The following RFC1 variants were observed in gnomAD, a reference collection of about 807,000 sequenced individuals.
The protein encoded by RFC1 is A1 140 kDa subunit.
A neutral mutation model predicts 137.4 loss-of-function variants in RFC1; 37 were observed. That is an observed-to-expected ratio of 0.27 (90% CI 0.21 to 0.35). The LOEUF (loss-of-function observed/expected upper bound fraction) is 0.35, where lower values mean the gene tolerates loss of function less well. Ranked by LOEUF, RFC1 falls within the 10% of genes least tolerant of loss-of-function variation. The probability of loss-of-function intolerance (pLI) is 1.00; values close to 1 mark genes in which losing one functional copy is unlikely to be tolerated. For missense variants in RFC1, 1,205 were observed against 1,358.5 expected (o/e 0.89, Z 1.78); for synonymous variants, 429 against 455.7 (o/e 0.94, Z 0.75).
intron 4 of RFC1, among the ~76,000 whole-genome samples, chr4:39,332,236 A>G (rs1244902523): frequency 6.6e-6 from 1 of 152,172 alleles, no homozygotes; most frequent in Non-Finnish European, 1.5e-5. Context: ...ATGTTTTACA[A>G]CAAATTGAAT....
At chr4:39,327,175 A>C (rs1739815850) in intron 5 of RFC1, among the ~76,000 whole-genome samples, 1 of 152,206 alleles carries the variant, frequency 6.6e-6, no homozygotes, top group African/African-American at 2.4e-5. Context: ...TTTATAAGGA[A>C]TCTATTTATT....
intron 9 of RFC1, among the ~76,000 whole-genome samples, chr4:39,318,692 T>A (rs920060507): frequency 6.6e-6 from 1 of 152,230 alleles, no homozygotes; most frequent in Admixed American, 6.5e-5. Context: ...TTAGTGTGCC[T>A]GAAGAAAACC....
At chr4:39,334,921 T>G (rs1740280602) in intron 4 of RFC1, among the ~76,000 whole-genome samples, 1 of 152,218 alleles carries the variant, frequency 6.6e-6, no homozygotes, top group Non-Finnish European at 1.5e-5. Context: ...TACATTCATT[T>G]ATTTAGAAGA....
In RFC1 at chr4:39,345,311, G is replaced by A. The variant is rs114455950; in HGVS notation, c.208+90C>T. The A allele has an allele frequency of 4.2e-4, 466 of 1,103,632 alleles. 2 individuals carry two copies. In the African/African-American group the frequency reaches 6.4e-3, roughly 15 times the overall value. The allele number at this position is 1,103,632 out of a possible 1,614,324, so 68.4% of individuals were successfully genotyped here. ...ATTGCGATTACAGGCATGAGCCACC[G>A]CACCCATCCTTAGAACATAGTTTAA... is the stretch of plus-strand genomic sequence containing the variant. On this transcript the variant is annotated intron_variant, in intron 3 of 24. Coordinates refer to ENST00000349703, the MANE Select transcript of RFC1 (RefSeq NM_002913.5).
At position 39,302,317 on chromosome 4, in the gene RFC1, G is replaced by T; in HGVS notation, c.2496C>A (p.Ala832=). The stretch of plus-strand genomic sequence containing the variant: ...TTTTGGCTCTGTGAGAATCAGCTTT[G>T]GCCTGGTCATAGGTTAATGCTTTAC... The part of the protein sequence containing the change: ...ARSKALTYDQ[A]KADSHRAKKD... Residue 832 remains alanine (A), a synonymous_variant, in exon 19 of 25, where the codon GCC becomes GCA. Transcript: ENST00000349703. The T allele has an allele frequency of 1.9e-6, 3 of 1,612,886 alleles. No individual in the cohort carries two copies. Among genetic ancestry groups the T allele is most frequent in the Non-Finnish European group, 1.7e-6 (2 of 1,178,958 alleles).
chr4:39,345,317 A>C, intron 3 of RFC1, 84 bp downstream of exon 3: 1 of 1,199,408 alleles, frequency 8.3e-7, no homozygotes, highest in Non-Finnish European at 1.2e-6. Context: ...CACCGCACCC[A>C]TCCTTAGAAC....
At position 39,295,723 on chromosome 4, in the gene RFC1, T is replaced by G; in HGVS notation, c.2845A>C (p.Arg949=). ...YASVLPGELM[R]GYMTQFPTFP... Reference sequence around the variant, plus strand: ...GTGGGAAACTGGGTCATGTACCCCCTCATCAACTCTCCAGGAAGAACACTG... The same window carrying G: ...GTGGGAAACTGGGTCATGTACCCCCGCATCAACTCTCCAGGAAGAACACTG... The change falls in exon 22 of 25, where the codon AGG becomes CGG. Residue 949 remains arginine (R), a synonymous_variant. Coordinates refer to ENST00000349703, the MANE Select transcript of RFC1 (RefSeq NM_002913.5). 3 of 1,613,012 alleles carry G rather than the reference T, an allele frequency of 1.9e-6. No individual in the cohort carries two copies. The highest frequency in any genetic ancestry group is 1.1e-5 in the South Asian group (1 of 90,798).
chr4:39,312,688 C>A (rs546321104), intron 11 of RFC1, 64 bp downstream of exon 11: 2 of 1,385,126 alleles, frequency 1.4e-6, no homozygotes, highest in African/African-American at 2.9e-5. Context: ...AAGGGCAAAT[C>A]ACATCAAGAG....
At chr4:39,357,174 C>T (rs898660518) in intron 1 of RFC1, among the ~76,000 whole-genome samples, 10 of 152,138 alleles carry the variant, frequency 6.6e-5, no homozygotes, top group Non-Finnish European at 1.5e-5. Context: ...AGAAATAAAG[C>T]ACACTGAGGG....
intron 24 of RFC1, 124 bp from the exon 25 acceptor site, chr4:39,288,968 C>T: frequency 1.4e-6 from 1 of 695,492 alleles, no homozygotes; most frequent in Non-Finnish European, 2.4e-6. Flanking sequence ...AGGCTGCAAA[C>T]ATCGAGATCT....
Position 39,289,940 on chromosome 4 carries a change from G to C in RFC1, c.3268C>G (p.Leu1090Val). ...KASRHSTSPS[L>V]DSEYNEELNE... ...AATTCTTCATTGTATTCCGAATCCA[G>C]GGATGGGCTTGTGCTGTGTCTAGAT... is the stretch of plus-strand genomic sequence containing the variant. The change falls in exon 24 of 25, where the codon CTG becomes GTG. Residue 1090 changes from leucine to valine, a missense_variant. Around this residue, in one of 3 missense-constraint regions of RFC1, gnomAD observed 237 missense variants for 304.2 expected, o/e 0.78. Coordinates refer to ENST00000349703, the MANE Select transcript of RFC1 (RefSeq NM_002913.5). 2 of 1,613,060 alleles carry C rather than the reference G, an allele frequency of 1.2e-6. No individual in the cohort carries two copies. Among genetic ancestry groups the C allele is most frequent in the South Asian group, 2.2e-5 (2 of 91,060 alleles).
At chr4:39,336,015 T>A (rs1451388533) in intron 4 of RFC1, among the ~76,000 whole-genome samples, 1 of 152,208 alleles carries the variant, frequency 6.6e-6, no homozygotes, top group African/African-American at 2.4e-5. Flanking sequence ...AACAGTCTGT[T>A]CATTTTCAAA....
At chr4:39,341,249 T>C (rs1740591280) in intron 4 of RFC1, among the ~76,000 whole-genome samples, 1 of 152,184 alleles carries the variant, frequency 6.6e-6, no homozygotes, top group Non-Finnish European at 1.5e-5. Flanking sequence ...CACCTTCAGT[T>C]ACATAATAAA....
At chr4:39,295,403 T>G (rs1334196414) in intron 22 of RFC1, among the ~76,000 whole-genome samples, 1 of 152,220 alleles carries the variant, frequency 6.6e-6, no homozygotes, top group East Asian at 1.9e-4. Context: ...TTGTCCAAAG[T>G]ATCCTTTTAA....
chr4:39,321,612 T>C (rs2060803), intron 7 of RFC1: 380,085 of 384,412 alleles, frequency 0.99, 188,047 homozygotes, highest in East Asian at 1. Flanking sequence ...AAAAATTATC[T>C]CTCTTCATCC....
intron 3 of RFC1, among the ~76,000 whole-genome samples, chr4:39,343,534 G>A (rs903617839): frequency 7.2e-5 from 11 of 152,068 alleles, no homozygotes; most frequent in African/African-American, 2.4e-4. Context: ...CACAGTGCCT[G>A]GTACAAAATA....
chr4:39,298,235 G>C (rs2109595591), intron 21 of RFC1, among the ~76,000 whole-genome samples: 2 of 151,086 alleles, frequency 1.3e-5, no homozygotes, highest in Middle Eastern at 3.4e-3. Flanking sequence ...TTGAGCCCAG[G>C]AGGGCAAGGC....
intron 4 of RFC1, among the ~76,000 whole-genome samples, chr4:39,332,756 G>A (rs1438810189): frequency 6.6e-6 from 1 of 151,886 alleles, no homozygotes; most frequent in Non-Finnish European, 1.5e-5. Flanking sequence ...TCTTCCTTAC[G>A]TCCCCTTCTC....
At chr4:39,303,959 T>C (rs1288267008) in intron 15 of RFC1, among the ~76,000 whole-genome samples, 5 of 152,234 alleles carry the variant, frequency 3.3e-5, no homozygotes, top group Admixed American at 3.3e-4. Flanking sequence ...GGCATATATA[T>C]GCCACTTTGC....
Sources: gnomAD v4.1 joint callset for allele counts (sites outside exome capture counted in the v4.1 genomes callset) on GRCh38, gnomAD v4.1.1 for gene constraint, gnomAD v4.1.1 regional missense constraint, MANE v1.5 for transcripts, NCBI Gene and HGNC (gene_info 2026-07-23, HGNC 2026-07-21) for gene names.